The following POM121 variants were observed in gnomAD, a reference collection of about 807,000 sequenced individuals.
POM121 encodes the protein POM121 transmembrane nucleoporin.
Under a neutral mutation model 81.3 loss-of-function variants are expected in POM121, and 32 were observed. That is an observed-to-expected ratio of 0.39 (90% confidence interval 0.30 to 0.53). The LOEUF (loss-of-function observed/expected upper bound fraction) is 0.53. Among genes scored for constraint, POM121 ranks in the 20% least tolerant of loss-of-function variants. The pLI is 0.66. For missense variants in POM121, 1,138 were observed against 1,614.6 expected, an observed-to-expected ratio of 0.70 and a Z score of 5.06; for synonymous variants, 514 against 694.2, an observed-to-expected ratio of 0.74 and a Z score of 4.08.
Position 72,942,908 on chromosome 7 carries a change from T to G in POM121, c.2915T>G (p.Phe972Cys), listed in dbSNP as rs782483855. ...CCGGGAGCCAACCCCCAGCCCGCATTTGGGGCCGCTGAGGGGCAGCCACCG... is the reference window on the plus strand; with the variant it reads ...CCGGGAGCCAACCCCCAGCCCGCATGTGGGGCCGCTGAGGGGCAGCCACCG... Reference protein sequence around the residue: ...SYPGANPQPAFGAAEGQPPGA... With the variant: ...SYPGANPQPACGAAEGQPPGA... The change falls in exon 11 of 13, where the codon TTT becomes TGT. Residue 972 changes from phenylalanine to cysteine, a missense_variant. Transcript: ENST00000434423. The G allele has an allele frequency of 6.2e-7, 1 of 1,601,228 alleles. No homozygotes were observed. Among genetic ancestry groups the G allele is most frequent in the South Asian group, 1.1e-5 (1 of 89,460 alleles).
intron 3 of POM121, 141 bp downstream of exon 3, chr7:72,927,104 A>G (rs1795532170): frequency 7.3e-7 from 1 of 1,364,474 alleles, no homozygotes. Context: ...ACATGGAGGA[A>G]TCTAATAACA....
At chr7:72,938,766 C>T in intron 6 of POM121, 85 bp downstream of exon 6, 2 of 1,430,992 alleles carry the variant, frequency 1.4e-6, no homozygotes, top group Non-Finnish European at 2.0e-6. Context: ...GGCTCTTAGG[C>T]TTTGTGCTGC....
At chr7:72,917,120 G>GATTAAA (rs1794360849) in intron 4 of POM121, among the ~76,000 whole-genome samples, 3 of 152,106 alleles carry the variant, frequency 2.0e-5, no homozygotes, top group African/African-American at 7.2e-5. Context: ...ATCATTGAAG[G>GATTAAA]CTGTAGTAGT....
At chr7:72,886,281 C>T (rs1790708178) in intron 1 of POM121, among the ~76,000 whole-genome samples, 1 of 152,134 alleles carries the variant, frequency 6.6e-6, no homozygotes, top group Admixed American at 6.6e-5. Context: ...TCAAGTGATT[C>T]TCCTGCCTCA....
At chr7:72,937,531 C>G (rs1171357392) in intron 5 of POM121, among the ~76,000 whole-genome samples, 3 of 152,054 alleles carry the variant, frequency 2.0e-5, no homozygotes, top group Non-Finnish European at 4.4e-5. Context: ...GGTGGCCTCA[C>G]TGAACTGTTC....
Position 72,925,659 on chromosome 7 carries a change from C to G in POM121, c.538C>G (p.Pro180Ala), listed in dbSNP as rs1234299605. ...PAPRSPPPRS[P>A]PPRSPPPSPP... is the part of the protein sequence containing the mutation. Reference sequence around the variant, plus strand: ...GCCGCGCTCCCCACCGCCGCGCTCCCCACCGCCGCGCTCCCCCCCGCCCTC... The same window carrying G: ...GCCGCGCTCCCCACCGCCGCGCTCCGCACCGCCGCGCTCCCCCCCGCCCTC... The change falls in exon 1 of 13, where the codon CCA (proline) becomes GCA (alanine). Residue 180 changes from proline (P) to alanine (A), a missense_variant. Physicochemically the swap from Pro to Ala is conservative, Grantham distance 27. Transcript: ENST00000434423. The G allele has an allele frequency of 2.5e-6, 3 of 1,218,198 alleles. No homozygotes were observed. In the East Asian group the frequency reaches 1.1e-4, roughly 45 times the overall value. 75.5% of individuals were successfully genotyped at this position (1,218,198 alleles called of 1,614,324 possible).
chr7:72,934,692 T>C (rs551453267), intron 5 of POM121, among the ~76,000 whole-genome samples: 1 of 152,200 alleles, frequency 6.6e-6, no homozygotes, highest in Non-Finnish European at 1.5e-5. Context: ...TTAGTTTTTT[T>C]TGTGTTTGGT....
chr7:72,943,423 G>A lies in POM121; in HGVS notation c.3430G>A (p.Ala1144Thr), dbSNP rs141369711. ...GAGCACAGCCACCTCCACCCCCTTC[G>A]CAGGGGGCTTAGGTCAGAACGCCCT... ...SGSTATSTPFAGGLGQNALGT... is the reference protein window; with the variant it reads ...SGSTATSTPFTGGLGQNALGT... The change falls in exon 11 of 13, where the codon GCA becomes ACA. Residue 1144 changes from alanine to threonine, a missense_variant. Transcript: ENST00000434423. 1.5e-3 allele frequency: 2,374 copies of A among 1,612,556 alleles called. 29 individuals are homozygous for A. The highest frequency in any genetic ancestry group is 0.013 in the African/African-American group (978 of 74,894).
At chr7:72,888,711 CAA>C (rs1790991727) in intron 1 of POM121, among the ~76,000 whole-genome samples, 1 of 140,272 alleles carries the variant, frequency 7.1e-6, no homozygotes, top group Non-Finnish European at 1.5e-5. Flanking sequence ...TGTATACACA[CAA>C]ACTGTATATA....
At chr7:72,918,628 A>C (rs1309265821) in intron 4 of POM121, among the ~76,000 whole-genome samples, 2 of 152,168 alleles carry the variant, frequency 1.3e-5, no homozygotes, top group Non-Finnish European at 2.9e-5. Context: ...ATTTTATTAT[A>C]CTGGAACAGC....
At chr7:72,901,473 G>A (rs568193785) in intron 3 of POM121, among the ~76,000 whole-genome samples, 1 of 151,844 alleles carries the variant, frequency 6.6e-6, no homozygotes, top group South Asian at 2.1e-4. Context: ...TCCTGCCTCA[G>A]CCTCCAGAGT....
chr7:72,935,855 T>A (rs1259315340), intron 5 of POM121, among the ~76,000 whole-genome samples: 1 of 152,238 alleles, frequency 6.6e-6, no homozygotes, highest in Non-Finnish European at 1.5e-5. Flanking sequence ...TGATTGGCTG[T>A]GCTGGTGTGT....
chr7:72,939,781 G>A, intron 7 of POM121, 66 bp from the exon 8 acceptor site: 1 of 1,610,628 alleles, frequency 6.2e-7, no homozygotes, highest in South Asian at 1.1e-5. Flanking sequence ...ATGCGAAGTG[G>A]GTAGACACAA....
rs200025418 is a variant in POM121 at position 72,899,969 on chromosome 7, A to T, written c.-216+8859A>T. 1.8e-3 allele frequency among the ~76,000 whole-genome samples: 278 copies of T among 152,324 alleles called. 2 individuals are homozygous for T. Among genetic ancestry groups the T allele is most frequent in the East Asian group, 0.011 (58 of 5,190 alleles). ...GAGTGAAGGTGGTAATGTGGGACAC[A>T]GCATTTTCTAAACCTGGCCAAGCAA... On this transcript the variant is annotated intron_variant, in intron 3 of 15. Coordinates refer to the POM121 transcript ENST00000395270.
intron 11 of POM121, among the ~76,000 whole-genome samples, chr7:72,945,329 C>T (rs1324836021): frequency 2.0e-5 from 3 of 151,898 alleles, no homozygotes; most frequent in Admixed American, 6.5e-5. Context: ...AGGAGGCCCA[C>T]GAGGTGGCTG....
At chr7:72,930,879 T>C (rs1795950230) in intron 5 of POM121, among the ~76,000 whole-genome samples, 1 of 152,098 alleles carries the variant, frequency 6.6e-6, no homozygotes, top group Admixed American at 6.6e-5. Flanking sequence ...TATAAGGTCT[T>C]GGGCAGACAA....
chr7:72,928,995 C>A (rs1333059579), intron 4 of POM121, among the ~76,000 whole-genome samples: 1 of 152,180 alleles, frequency 6.6e-6, no homozygotes, highest in Non-Finnish European at 1.5e-5. Flanking sequence ...TCCTGCCTTC[C>A]GTAGTTCTGC....
intron 10 of POM121, among the ~76,000 whole-genome samples, 175 bp from the exon 11 acceptor site, chr7:72,941,662 A>G (rs538545716): frequency 7.2e-5 from 11 of 151,988 alleles, no homozygotes; most frequent in Admixed American, 2.0e-4. Context: ...TCTGTGAGGT[A>G]GAAATAACAC....
downstream of POM121, chr7:72,949,207 G>T: frequency 3.0e-6 from 3 of 996,158 alleles, no homozygotes; most frequent in Non-Finnish European, 4.8e-6. Flanking sequence ...TTGCTCCAGG[G>T]TCCCAAGCCC....
Sources: allele counts gnomAD v4.1 joint callset (sites outside exome capture counted in the v4.1 genomes callset), GRCh38; gene constraint gnomAD v4.1.1; transcripts MANE v1.5; gene names NCBI Gene and HGNC (gene_info 2026-07-23, HGNC 2026-07-21).